Variants in CDKAL1 observed in about 807,000 individuals in gnomAD.
CDKAL1 encodes the protein threonylcarbamoyladenosine tRNA methylthiotransferase.
In CDKAL1, 32 loss-of-function variants were observed where a neutral mutation model predicts 68.2. The ratio of observed to expected loss-of-function variants is 0.47; its 90% confidence interval spans 0.35 to 0.63. The LOEUF is 0.63. Among genes scored for constraint, CDKAL1 ranks in the 30% least tolerant of loss-of-function variants. The pLI, the probability that CDKAL1 is intolerant of heterozygous loss-of-function variation, is 0.00. For missense variants in CDKAL1, 606 were observed against 696.7 expected, an observed-to-expected ratio of 0.87 and a Z score of 1.47; for synonymous variants, 234 against 244.3, an observed-to-expected ratio of 0.96 and a Z score of 0.39.
At chr6:20,644,416 G>C (rs540634884) in intron 4 of CDKAL1, among the ~76,000 whole-genome samples, 1 of 152,074 alleles carries the variant, frequency 6.6e-6, no homozygotes, top group South Asian at 2.1e-4. Context: ...GGTGGCTCAC[G>C]CCTTTAATCC....
At chr6:20,979,360 A>G (rs1765995611) in intron 10 of CDKAL1, among the ~76,000 whole-genome samples, 1 of 152,218 alleles carries the variant, frequency 6.6e-6, no homozygotes, top group Admixed American at 6.5e-5. Flanking sequence ...CTAAATGAGA[A>G]CAGGAAATAA....
intron 12 of CDKAL1, among the ~76,000 whole-genome samples, chr6:21,087,985 G>C (rs1422919911): frequency 1.3e-5 from 2 of 152,142 alleles, no homozygotes; most frequent in Non-Finnish European, 2.9e-5. Context: ...GGACGGGACA[G>C]GGCCATGGGT....
At chr6:20,756,925 C>T (rs2473650) in intron 6 of CDKAL1, among the ~76,000 whole-genome samples, 4,717 of 101,432 alleles carry the variant, frequency 0.047, 202 homozygotes, top group East Asian at 0.15. Flanking sequence ...CCTTCCTTCC[C>T]TCCTTCCCTT....
At chr6:21,204,334 GT>G (rs1483249586) in intron 15 of CDKAL1, among the ~76,000 whole-genome samples, 1 of 152,054 alleles carries the variant, frequency 6.6e-6, no homozygotes, top group African/African-American at 2.4e-5. Context: ...TGCCATCTGT[GT>G]TCTTATCTAC....
In CDKAL1 at chr6:20,835,046, A is replaced by G. The variant is rs368618163; in HGVS notation, c.639-11029A>G. Among the ~76,000 whole-genome samples, 8 of 152,310 alleles carry G rather than the reference A, an allele frequency of 5.3e-5. No individual in the cohort carries two copies. In the East Asian group the frequency reaches 9.7e-4, roughly 18 times the overall value. On this transcript the variant is annotated intron_variant, in intron 8 of 15. Coordinates refer to ENST00000274695, the MANE Select transcript of CDKAL1 (RefSeq NM_017774.3). ...ACGTACTCTATGATTCCATTTATAT[A>G]AAATTATTGAAAACCAATTTATCCT... is the stretch of plus-strand genomic sequence containing the variant.
chr6:20,666,108 A>G (rs991303544), intron 5 of CDKAL1, among the ~76,000 whole-genome samples: 12 of 152,162 alleles, frequency 7.9e-5, no homozygotes, highest in South Asian at 6.2e-4. Flanking sequence ...TTAAATAAAT[A>G]CTATTAAAGA....
At chr6:21,182,273 ATT>A (rs1777821853) in intron 13 of CDKAL1, among the ~76,000 whole-genome samples, 1 of 152,194 alleles carries the variant, frequency 6.6e-6, no homozygotes, top group Admixed American at 6.5e-5. Flanking sequence ...CAGTTTAGCA[ATT>A]TTTCAAAAGG....
At chr6:21,127,125 G>C (rs566258615) in intron 13 of CDKAL1, among the ~76,000 whole-genome samples, 2 of 152,270 alleles carry the variant, frequency 1.3e-5, no homozygotes, top group African/African-American at 4.8e-5. Context: ...TTAATGTGTT[G>C]ATTGACTTAA....
chr6:20,897,285 A>C (rs997494931), intron 9 of CDKAL1, among the ~76,000 whole-genome samples: 15 of 152,204 alleles, frequency 9.9e-5, no homozygotes, highest in African/African-American at 3.6e-4. Context: ...GAGTAAGTCA[A>C]ATGGGACACC....
chr6:20,992,170 G>A (rs1766857147), intron 10 of CDKAL1, among the ~76,000 whole-genome samples: 1 of 145,768 alleles, frequency 6.9e-6, no homozygotes. Flanking sequence ...TGGGATTACA[G>A]GCACACGTGA....
chr6:21,143,588 G>T lies in CDKAL1; in HGVS notation c.1299+35125G>T, dbSNP rs189215859. On this transcript the variant is annotated intron_variant, in intron 13 of 15. Coordinates refer to ENST00000274695, the MANE Select transcript of CDKAL1 (RefSeq NM_017774.3). ...TTGTCAGGCTTTTATTTTTTAGGTG[G>T]TGCCTTGCCTGTGTTAGATGTTTCA... Among the ~76,000 whole-genome samples the T allele has an allele frequency of 1.0e-3, 153 of 152,200 alleles. 3 individuals are homozygous for T. Among genetic ancestry groups the T allele is most frequent in the Admixed American group, 9.9e-3 (152 of 15,282 alleles).
intron 9 of CDKAL1, among the ~76,000 whole-genome samples, chr6:20,939,190 C>T (rs1763862004): frequency 6.6e-6 from 1 of 152,144 alleles, no homozygotes; most frequent in Admixed American, 6.5e-5. Context: ...ACACAGTAAA[C>T]ATAATTAGAA....
rs556467464 is a variant in CDKAL1, at chr6:20,603,256, C to CG, written c.287-46037_287-46036insG. Among the ~76,000 whole-genome samples the CG allele has an allele frequency of 4.6e-5, 7 of 152,270 alleles. 1 individual carries two copies. In the South Asian group the frequency reaches 1.4e-3, roughly 32 times the overall value. On this transcript the variant is annotated intron_variant, in intron 4 of 15. Transcript: ENST00000274695. ...TTTGACTTTGCTAGAGACTGAACAC[C>CG]TACTCATGAGATCTCAGGTGACCAT...
intron 7 of CDKAL1, among the ~76,000 whole-genome samples, chr6:20,774,380 G>C (rs902399306): frequency 1.3e-5 from 2 of 152,254 alleles, no homozygotes; most frequent in Admixed American, 6.5e-5. Context: ...ATATTTTGTA[G>C]CTAGTTATGT....
intron 5 of CDKAL1, among the ~76,000 whole-genome samples, chr6:20,687,358 T>C (rs977765765): frequency 6.6e-6 from 1 of 152,216 alleles, no homozygotes; most frequent in Non-Finnish European, 1.5e-5. Context: ...TTAATAGATA[T>C]AGGCCTATTC....
intron 4 of CDKAL1, among the ~76,000 whole-genome samples, chr6:20,636,552 A>C (rs1767912495): frequency 1.3e-5 from 2 of 152,180 alleles, no homozygotes; most frequent in Non-Finnish European, 2.9e-5. Context: ...TAGAAGTATA[A>C]ATTTGGCTAT....
chr6:20,599,198 A>G (rs1244722997), intron 4 of CDKAL1, among the ~76,000 whole-genome samples: 3 of 149,848 alleles, frequency 2.0e-5, no homozygotes, highest in Non-Finnish European at 4.5e-5. Context: ...GCAAGTAGAT[A>G]TACGTACATA....
At chr6:20,746,471 A>G (rs1312468755) in intron 6 of CDKAL1, among the ~76,000 whole-genome samples, 1 of 152,200 alleles carries the variant, frequency 6.6e-6, no homozygotes, top group Admixed American at 6.5e-5. Context: ...AAATCTTCTC[A>G]TAGCGTTGAA....
intron 11 of CDKAL1, among the ~76,000 whole-genome samples, chr6:21,018,333 T>G (rs116835789): frequency 8.3e-4 from 126 of 152,368 alleles, no homozygotes; most frequent in African/African-American, 3.0e-3. Context: ...AGGCTTTGTT[T>G]GGTCCACTCT....
Sources: gnomAD v4.1 joint callset for allele counts (sites outside exome capture counted in the v4.1 genomes callset) on GRCh38, gnomAD v4.1.1 for gene constraint, MANE v1.5 for transcripts, NCBI Gene and HGNC (gene_info 2026-07-23, HGNC 2026-07-21) for gene names.